Variants in ARAP3 observed in about 807,000 individuals in gnomAD.
ARAP3 encodes the protein arf-GAP with Rho-GAP domain, ANK repeat and PH domain-containing protein 3.
Under a neutral mutation model 169.2 loss-of-function variants are expected in ARAP3, and 82 were observed. The observed-to-expected ratio is 0.48, with a 90% CI of 0.41 to 0.58. The LOEUF is 0.58. Among genes scored for constraint, ARAP3 ranks in the 20% least tolerant of loss-of-function variants. The probability of loss-of-function intolerance (pLI) is 0.00; values close to 1 mark genes in which losing one functional copy is unlikely to be tolerated. For synonymous variants in ARAP3, 791 were observed against 800.3 expected, an observed-to-expected ratio of 0.99 and a Z score of 0.20; for missense variants, 1,764 against 2,018.0, an observed-to-expected ratio of 0.87 and a Z score of 2.41.
In ARAP3 at chr5:141,672,402, C is replaced by T; in HGVS notation, c.1386-101G>A. ...CCACCACAGGCCACACCTGGGGCAG[C>T]CCAGACCCTTCTGACATCTTGACCT... On this transcript the variant is annotated intron_variant, in intron 9 of 32. Coordinates refer to ENST00000239440, the MANE Select transcript of ARAP3 (RefSeq NM_022481.6). The surrounding 1 kb of genome is among the most constrained non-coding windows in gnomAD (Gnocchi z 4.9). The T allele has an allele frequency of 2.6e-6, 4 of 1,525,168 alleles. No individual in the cohort carries two copies. The highest frequency in any genetic ancestry group is 2.7e-6 in the Non-Finnish European group (3 of 1,117,498). 94.5% of individuals were successfully genotyped at this position (1,525,168 alleles called of 1,614,324 possible). A position where few individuals can be genotyped will look rare whatever the true frequency, so the allele number is the denominator to read the frequency against.
At position 141,672,188 on chromosome 5, in the gene ARAP3, GC is replaced by G; in HGVS notation, c.1498del (p.Ala500ProfsTer45). 6.2e-7 allele frequency: 1 copy of G among 1,614,182 alleles called. No homozygotes were observed. The highest frequency in any genetic ancestry group is 8.5e-7 in the Non-Finnish European group (1 of 1,180,022). On this transcript the variant is annotated frameshift_variant, in exon 10 of 33. Coordinates refer to ENST00000239440, the MANE Select transcript of ARAP3 (RefSeq NM_022481.6). LOFTEE classifies it high-confidence loss of function. The surrounding 1 kb of genome is among the most constrained non-coding windows in gnomAD (Gnocchi z 4.9). ...CCCACAGTCCGCACACTGCCGGTTG[GC>G]CCGATTAGACCAGATCTTCTCAGCC... ...EVAEKIWSNR[A>X]NRQCADCGSS...
intron 16 of ARAP3, among the ~76,000 whole-genome samples, chr5:141,668,627 T>A (rs1247784089): frequency 6.6e-6 from 1 of 151,920 alleles, no homozygotes; most frequent in Admixed American, 6.6e-5. Flanking sequence ...GACTTAAACC[T>A]GGTTGGGAGG....
chr5:141,659,536 C>G (rs951572759), intron 22 of ARAP3, 60 bp from the exon 23 acceptor site: 1 of 1,566,124 alleles, frequency 6.4e-7, no homozygotes, highest in East Asian at 2.2e-5. Flanking sequence ...GGGAAGATCT[C>G]AAGGCCAAGG....
At chr5:141,666,285 G>A (rs2099910627) in intron 17 of ARAP3, 139 bp downstream of exon 17, 1 of 758,834 alleles carries the variant, frequency 1.3e-6, no homozygotes, top group Admixed American at 4.0e-5. Context: ...TCTAAAGCTG[G>A]GCAGTTTCCC....
Position 141,670,073 on chromosome 5 carries a change from A to T in ARAP3, c.2108-10T>A, listed in dbSNP as rs372332098. 5.7e-6 allele frequency: 9 copies of T among 1,583,990 alleles called. No individual in the cohort carries two copies. In the African/African-American group the frequency reaches 1.1e-4, roughly 19 times the overall value. On this transcript the variant is annotated splice_polypyrimidine_tract_variant and intron_variant, in intron 14 of 32. Coordinates refer to ENST00000239440, the MANE Select transcript of ARAP3 (RefSeq NM_022481.6). ...CAAAGGCGCGGGGGAGCTAAGGCAGAGGGAGATAGTCAGGGAGCAGCAGAC... is the reference window on the plus strand; with the variant it reads ...CAAAGGCGCGGGGGAGCTAAGGCAGTGGGAGATAGTCAGGGAGCAGCAGAC...
At chr5:141,670,899 C>T (rs550192087) in intron 13 of ARAP3, among the ~76,000 whole-genome samples, 1 of 152,336 alleles carries the variant, frequency 6.6e-6, no homozygotes, top group Non-Finnish European at 1.5e-5. Context: ...GGGTGAGCAC[C>T]TCAGGGCATG....
rs140445106 is a variant in ARAP3 at position 141,656,198 on chromosome 5, T to C, written c.3868A>G (p.Thr1290Ala). The change falls in exon 28 of 33, where the codon ACA becomes GCA. Residue 1290 changes from threonine to alanine, a missense_variant. Coordinates refer to ENST00000239440, the MANE Select transcript of ARAP3 (RefSeq NM_022481.6). Reference sequence around the variant, plus strand: ...GGGCTGGGGAAGAAAACTCACGGTGTTGGGGGCTTTAACTTCTTGCGGATT... The same window carrying C: ...GGGCTGGGGAAGAAAACTCACGGTGCTGGGGGCTTTAACTTCTTGCGGATT... ...LGIRKKLKPP[T>A]PWGFTLILEK... 3.5e-3 allele frequency: 5,615 copies of C among 1,614,018 alleles called. 27 individuals carry two copies. Among genetic ancestry groups the C allele is most frequent in the Non-Finnish European group, 4.1e-3 (4,838 of 1,180,006 alleles).
At chr5:141,669,577 G>T (rs1324326504) in intron 16 of ARAP3, 132 bp downstream of exon 16, 2 of 822,536 alleles carry the variant, frequency 2.4e-6, no homozygotes, top group Non-Finnish European at 4.0e-6. Flanking sequence ...ACAGGGCCTG[G>T]CACAGAATAT....
At position 141,665,082 on chromosome 5, in the gene ARAP3, G is replaced by T. The variant is rs761884798; in HGVS notation, c.2640C>A (p.Thr880=). 2.5e-6 allele frequency: 4 copies of T among 1,611,216 alleles called. No individual in the cohort carries two copies. In the East Asian group the frequency reaches 8.9e-5, roughly 36 times the overall value. Residue 880 remains threonine, a synonymous_variant, in exon 19 of 33, where the codon ACC becomes ACA. Coordinates refer to ENST00000239440, the MANE Select transcript of ARAP3 (RefSeq NM_022481.6). Reference sequence around the variant, plus strand: ...GCCGGCCCTCTCCTTGCAGATACAGGGTCCTGAGACCCCAGAGGCCTGAAT... The same window carrying T: ...GCCGGCCCTCTCCTTGCAGATACAGTGTCCTGAGACCCCAGAGGCCTGAAT... ...EHLVLVETGR[T]LYLQGEGRLD...
chr5:141,671,665 G>C lies in ARAP3; in HGVS notation c.1759C>G (p.Pro587Ala). The change falls in exon 12 of 33, where the codon CCT becomes GCT. Residue 587 changes from proline to alanine, a missense_variant. By Grantham distance (27) the Pro-to-Ala change is conservative. Around this residue, in one of 3 missense-constraint regions of ARAP3, gnomAD observed 1,112 missense variants for 1,285.7 expected, o/e 0.86. Coordinates refer to ENST00000239440, the MANE Select transcript of ARAP3 (RefSeq NM_022481.6). The surrounding 1 kb of genome is among the most constrained non-coding windows in gnomAD (Gnocchi z 4.9). The part of the protein sequence containing the change: ...PGEGLHPDAT[P>A]GPRGEFISRK... ...GAGATGAACTCTCCCCGGGGGCCAG[G>C]GGTCGCATCTGGATGTAGTCCCTCA... 2 of 1,613,952 alleles carry C rather than the reference G, an allele frequency of 1.2e-6. No homozygotes were observed. The highest frequency in any genetic ancestry group is 1.7e-6 in the Non-Finnish European group (2 of 1,179,912).
At chr5:141,673,850 T>C (rs368557558) in intron 4 of ARAP3, 42 bp from the exon 5 acceptor site, 1 of 1,591,612 alleles carries the variant, frequency 6.3e-7, no homozygotes, top group African/African-American at 1.3e-5. Flanking sequence ...ATTAGACAAG[T>C]ACCCCGGACA....
At chr5:141,655,433 G>A in intron 31 of ARAP3, 33 bp from the exon 32 acceptor site, 1 of 1,586,288 alleles carries the variant, frequency 6.3e-7, no homozygotes, top group Non-Finnish European at 8.6e-7. Flanking sequence ...CAAGGGGAAG[G>A]AAAGACATAA....
chr5:141,673,721 G>C lies in ARAP3; in HGVS notation c.786C>G (p.Thr262=), dbSNP rs370631550. The stretch of plus-strand genomic sequence containing the variant: ...CATCACTGGTCTCCTCTGTTTCCAG[G>C]GTGGGCGATAAGAGGGTGGAGTCTC... ...LPGDSTLLSP[T]LETEETSDDL... Residue 262 remains threonine, a synonymous_variant, in exon 5 of 33, where the codon ACC becomes ACG. Coordinates refer to ENST00000239440, the MANE Select transcript of ARAP3 (RefSeq NM_022481.6). The C allele has an allele frequency of 2.0e-5, 32 of 1,614,082 alleles. No homozygotes were observed. The African/African-American group carries it at 3.6e-4, about 18-fold the overall frequency.
At chr5:141,669,660 G>A in intron 16 of ARAP3, 49 bp downstream of exon 16, 1 of 1,554,762 alleles carries the variant, frequency 6.4e-7, no homozygotes, top group Non-Finnish European at 8.9e-7. Context: ...GGGAGCACGT[G>A]GGGACAAGGA....
At chr5:141,678,476 C>T (rs1327912749) in intron 4 of ARAP3, among the ~76,000 whole-genome samples, 1 of 152,110 alleles carries the variant, frequency 6.6e-6, no homozygotes, top group Non-Finnish European at 1.5e-5. Flanking sequence ...GATCAAATGT[C>T]ATCTTCTTAA....
At position 141,654,403 on chromosome 5, in the gene ARAP3, C is replaced by G. The variant is rs775977707; in HGVS notation, c.4182G>C (p.Glu1394Asp). 1.9e-6 allele frequency: 3 copies of G among 1,607,022 alleles called. No homozygotes were observed. Among genetic ancestry groups the G allele is most frequent in the Non-Finnish European group, 8.5e-7 (1 of 1,176,134 alleles). Residue 1394 changes from glutamate (E) to aspartate (D), a missense_variant, in exon 33 of 33, where the codon GAG becomes GAC. By Grantham distance (45) the Glu-to-Asp change is conservative. Coordinates refer to ENST00000239440, the MANE Select transcript of ARAP3 (RefSeq NM_022481.6). ...ACACAGGCTCCTCCAGCTCCTCTTG[C>G]TCCTCCACAGACCCCTGGGATGACT... ...PMKSSQGSVE[E>D]QEELEEPVYE...
At chr5:141,656,692 A>G (rs777124840) in intron 26 of ARAP3, 26 bp downstream of exon 26, 2 of 1,612,982 alleles carry the variant, frequency 1.2e-6, no homozygotes, top group South Asian at 2.2e-5. Context: ...GACCTGGGGG[A>G]TGCTGGGCAG....
At chr5:141,670,191 A>G in intron 14 of ARAP3, 128 bp from the exon 15 acceptor site, 1 of 1,294,120 alleles carries the variant, frequency 7.7e-7, no homozygotes, top group Non-Finnish European at 1.0e-6. Flanking sequence ...CTTCACAATA[A>G]CCCTATGAGG....
At position 141,662,270 on chromosome 5, in the gene ARAP3, C is replaced by A; in HGVS notation, c.2801-15G>T. The stretch of plus-strand genomic sequence containing the variant: ...CAGCCGGAGCCCTGAGGAGAGCCAG[C>A]CGTCTCTGCTCACCATGGTGCAAAG... On this transcript the variant is annotated splice_polypyrimidine_tract_variant and intron_variant, in intron 19 of 32. Coordinates refer to ENST00000239440, the MANE Select transcript of ARAP3 (RefSeq NM_022481.6). The A allele has an allele frequency of 3.1e-6, 5 of 1,613,070 alleles. No individual in the cohort carries two copies. Among genetic ancestry groups the A allele is most frequent in the Non-Finnish European group, 4.2e-6 (5 of 1,179,604 alleles).
Sources: gnomAD v4.1 joint callset for allele counts (sites outside exome capture counted in the v4.1 genomes callset) on GRCh38, gnomAD v4.1.1 for gene constraint, gnomAD v4.1.1 regional missense constraint, Gnocchi (gnomAD v3.1) non-coding constraint, MANE v1.5 for transcripts, NCBI Gene and HGNC (gene_info 2026-07-23, HGNC 2026-07-21) for gene names.